Variants in ANKRD11 observed in about 807,000 individuals in gnomAD.
ANKRD11 encodes the protein ankyrin repeat domain-containing protein 11.
ANKRD11 carries 17 observed loss-of-function variants against 195.7 expected under a neutral mutation model. The observed-to-expected ratio is 0.09, with a 90% CI of 0.06 to 0.13. The LOEUF is 0.13. ANKRD11 is among the 10% of genes least tolerant of loss of function. ANKRD11 has a pLI of 1.00. For missense variants in ANKRD11, 3,735 were observed against 3,566.1 expected (o/e 1.05, Z -1.21); for synonymous variants, 1,953 against 1,528.1 (o/e 1.28, Z -6.49).
At position 89,333,878 on chromosome 16, in the gene ANKRD11, G is replaced by C. The variant is rs998273727; in HGVS notation, c.-59-16800C>G. Among the ~76,000 whole-genome samples, 24 of 152,268 alleles carry C rather than the reference G, an allele frequency of 1.6e-4. No homozygotes were observed. In the East Asian group the frequency reaches 3.5e-3, roughly 22 times the overall value. ...GTATTATTCTGTGAGTATGTTCCCA[G>C]TATGTGGGCGTGTGTTGTGAACAGA... On this transcript the variant is annotated intron_variant, in intron 2 of 12. Transcript: ENST00000301030.
chr16:89,458,597 G>T (rs2056536940), intron 1 of ANKRD11, among the ~76,000 whole-genome samples: 1 of 152,208 alleles, frequency 6.6e-6, no homozygotes, highest in South Asian at 2.1e-4. Context: ...TCATGATTTT[G>T]CAGTTCCACT....
At chr16:89,270,183 A>C (rs1234909261) in intron 12 of ANKRD11, 1 of 166,036 alleles carries the variant, frequency 6.0e-6, no homozygotes, top group African/African-American at 2.4e-5. Context: ...ATCTGTGCCC[A>C]CATCAGCACC....
At chr16:89,436,414 CAA>C (rs35785082) in intron 1 of ANKRD11, among the ~76,000 whole-genome samples, 2 of 146,916 alleles carry the variant, frequency 1.4e-5, no homozygotes, top group Admixed American at 6.8e-5. Context: ...GACTCGGTCT[CAA>C]AAAAAAAAAG....
chr16:89,485,009 T>C (rs1027870301), intron 1 of ANKRD11, among the ~76,000 whole-genome samples: 1 of 152,162 alleles, frequency 6.6e-6, no homozygotes, highest in African/African-American at 2.4e-5. Context: ...TGTCTCAACC[T>C]TGACCTCCAA....
intron 2 of ANKRD11, among the ~76,000 whole-genome samples, chr16:89,318,061 A>G (rs962073589): frequency 6.6e-6 from 1 of 152,148 alleles, no homozygotes; most frequent in Non-Finnish European, 1.5e-5. Flanking sequence ...AGGAAACCCA[A>G]CAGGCAGTTG....
At position 89,283,918 on chromosome 16, in the gene ANKRD11, T is replaced by C. The variant is rs2034463432; in HGVS notation, c.2624A>G (p.Lys875Arg). Residue 875 changes from lysine to arginine, a missense_variant, in exon 9 of 13, where the codon AAG becomes AGG. Transcript: ENST00000301030. This position sits in a 1 kb window ranked among gnomAD's most constrained non-coding sequence, Gnocchi z 4.3. ...YRDMKSDSVAKLILETVKEDS... is the reference protein window; with the variant it reads ...YRDMKSDSVARLILETVKEDS... ...CTCCTTCACCGTCTCCAAGATGAGC[T>C]TGGCCACAGAGTCGCTCTTCATGTC... 2 of 1,614,182 alleles carry C rather than the reference T, an allele frequency of 1.2e-6. No individual in the cohort carries two copies.
At chr16:89,345,209 A>G (rs1040609819) in intron 2 of ANKRD11, among the ~76,000 whole-genome samples, 3 of 148,330 alleles carry the variant, frequency 2.0e-5, no homozygotes, top group African/African-American at 5.2e-5. Context: ...GTAAAGATGG[A>G]AAAAAAAAAT....
At chr16:89,424,777 A>G (rs1316105167) in intron 1 of ANKRD11, among the ~76,000 whole-genome samples, 1 of 152,170 alleles carries the variant, frequency 6.6e-6, no homozygotes, top group Non-Finnish European at 1.5e-5. Flanking sequence ...GAAAAGGGCA[A>G]AGGGCCGATC....
chr16:89,333,620 G>A (rs2038182312), intron 2 of ANKRD11, among the ~76,000 whole-genome samples: 2 of 152,170 alleles, frequency 1.3e-5, no homozygotes, highest in Non-Finnish European at 2.9e-5. Context: ...CCTACAGTGT[G>A]TAGTCCTTGG....
intron 2 of ANKRD11, among the ~76,000 whole-genome samples, chr16:89,321,776 GA>G (rs1240273674): frequency 2.6e-5 from 4 of 152,096 alleles, no homozygotes. Flanking sequence ...AGCTGACCAT[GA>G]ACAACCTGGG....
chr16:89,341,831 G>C (rs989944301), intron 2 of ANKRD11, among the ~76,000 whole-genome samples: 1 of 139,188 alleles, frequency 7.2e-6, no homozygotes, highest in Non-Finnish European at 1.5e-5. Context: ...CAGCAGCCAC[G>C]GCCCACGGCG....
At chr16:89,373,159 A>C (rs1029605372) in intron 2 of ANKRD11, 13 of 152,288 alleles carry the variant, frequency 8.5e-5, no homozygotes, top group Non-Finnish European at 1.2e-4. Flanking sequence ...GAAGCAATGG[A>C]AAAGGCCTTC....
chr16:89,301,348 A>G (rs2035842931), intron 4 of ANKRD11: 1 of 391,596 alleles, frequency 2.6e-6, no homozygotes, highest in African/African-American at 2.1e-5. Context: ...AATCCCAGAT[A>G]TCATATAATT....
chr16:89,269,281 G>A (rs989742486), intron 12 of ANKRD11, among the ~76,000 whole-genome samples: 10 of 152,140 alleles, frequency 6.6e-5, no homozygotes, highest in East Asian at 3.9e-4. Flanking sequence ...TCAACCTCCC[G>A]AGTAGCTGGG....
chr16:89,451,454 C>T (rs1267591871), intron 1 of ANKRD11, among the ~76,000 whole-genome samples: 2 of 142,268 alleles, frequency 1.4e-5, no homozygotes, highest in Non-Finnish European at 3.0e-5. Flanking sequence ...CTCTGAGGCC[C>T]AGGCAGGAGT....
rs1381607682 is a variant in ANKRD11, at chr16:89,490,400, C to A, written c.-300G>T. The A allele has an allele frequency of 5.8e-5, 14 of 242,268 alleles. No individual in the cohort carries two copies. Among genetic ancestry groups the A allele is most frequent in the Non-Finnish European group, 1.6e-5 (2 of 126,940 alleles). 15.0% of individuals were successfully genotyped at this position (242,268 alleles called of 1,614,324 possible). A position where few individuals can be genotyped will look rare whatever the true frequency, so the allele number is the denominator to read the frequency against. ...TCGGGCCCGGCAGAGCTGCGAGGGA[C>A]GGCGGGAGGCGAGCCCGCCCCTCGG... On this transcript the variant is annotated 5_prime_UTR_variant, in exon 1 of 13. Transcript: ENST00000301030.
intron 1 of ANKRD11, among the ~76,000 whole-genome samples, chr16:89,454,133 C>G (rs898498724): frequency 6.6e-6 from 1 of 151,598 alleles, no homozygotes; most frequent in Admixed American, 6.6e-5. Context: ...TGGCACACCA[C>G]AGCCAACACA....
At chr16:89,489,515 C>T (rs2057738629) in intron 1 of ANKRD11, among the ~76,000 whole-genome samples, 1 of 150,758 alleles carries the variant, frequency 6.6e-6, no homozygotes, top group South Asian at 2.1e-4. Context: ...GTCCCCAGTT[C>T]GCCCTCCCCC....
intron 2 of ANKRD11, among the ~76,000 whole-genome samples, chr16:89,346,654 A>C (rs2038955393): frequency 6.6e-6 from 1 of 152,196 alleles, no homozygotes; most frequent in Non-Finnish European, 1.5e-5. Context: ...GGAGGAGGGA[A>C]ACCAGAGTAG....
Sources: allele counts gnomAD v4.1 joint callset (sites outside exome capture counted in the v4.1 genomes callset), GRCh38; gene constraint gnomAD v4.1.1; non-coding constraint Gnocchi (gnomAD v3.1); transcripts MANE v1.5; gene names NCBI Gene and HGNC (gene_info 2026-07-23, HGNC 2026-07-21).